EPG5: variants seen among roughly 807,000 people sequenced by gnomAD.
EPG5 encodes ectopic P-granules 5 autophagy tethering factor.
Under a neutral mutation model 302.7 loss-of-function variants are expected in EPG5, and 159 were observed. The ratio of observed to expected loss-of-function variants is 0.53; its 90% CI spans 0.46 to 0.60. EPG5 has a LOEUF of 0.60. EPG5 is among the 20% of genes least tolerant of loss of function. EPG5 has a pLI of 0.00. For missense variants in EPG5, 2,896 were observed against 3,092.4 expected, an observed-to-expected ratio of 0.94 and a Z score of 1.51; for synonymous variants, 1,158 against 1,136.8, an observed-to-expected ratio of 1.02 and a Z score of -0.37.
intron 33 of EPG5, 103 bp downstream of exon 33, chr18:45,878,910 T>C (rs1231840048): frequency 3.4e-6 from 3 of 892,636 alleles, no homozygotes; most frequent in Non-Finnish European, 5.3e-6. Flanking sequence ...ATTTCTACTT[T>C]CTCTCCTTGA....
the EPG5 span, among the ~76,000 whole-genome samples, chr18:45,815,247 A>T: frequency 4.6e-5 from 7 of 152,318 alleles, no homozygotes; most frequent in African/African-American, 1.7e-4. Flanking sequence ...AAGTCTTAGT[A>T]ATTGCTCATT....
chr18:45,806,760 C>T, the EPG5 span, among the ~76,000 whole-genome samples: 492 of 152,256 alleles, frequency 3.2e-3, 2 homozygotes, highest in African/African-American at 0.011. Flanking sequence ...CCTGGCCTCA[C>T]GGGATCCTTC....
At chr18:45,932,612 A>G (rs1437541202) in intron 11 of EPG5, among the ~76,000 whole-genome samples, 2 of 152,226 alleles carry the variant, frequency 1.3e-5, no homozygotes, top group Non-Finnish European at 2.9e-5. Flanking sequence ...TTCCACAAAC[A>G]ATAAAAATCA....
chr18:45,896,462 C>T (rs1394585903), intron 27 of EPG5, among the ~76,000 whole-genome samples: 2 of 152,336 alleles, frequency 1.3e-5, no homozygotes, highest in Non-Finnish European at 2.9e-5. Flanking sequence ...AAATTCTTTA[C>T]GCTTCTGCAA....
chr18:45,967,049 T>G, intron 1 of EPG5, 128 bp downstream of exon 1: 1 of 848,936 alleles, frequency 1.2e-6, no homozygotes, highest in African/African-American at 1.7e-5. Flanking sequence ...GATCAAATAT[T>G]GGAAGGTGGA....
chr18:45,873,639 T>C (rs970110900), intron 35 of EPG5, among the ~76,000 whole-genome samples: 2 of 152,184 alleles, frequency 1.3e-5, no homozygotes, highest in Non-Finnish European at 2.9e-5. Flanking sequence ...TTCAAAAAAA[T>C]AATTGAGTAC....
chr18:45,951,851 C>G (rs1156805878), intron 3 of EPG5, among the ~76,000 whole-genome samples: 1 of 152,116 alleles, frequency 6.6e-6, no homozygotes, highest in African/African-American at 2.4e-5. Flanking sequence ...GGGAATTTTA[C>G]TTTAAAGTAC....
the EPG5 span, among the ~76,000 whole-genome samples, chr18:45,819,590 C>T: frequency 6.6e-6 from 1 of 152,158 alleles, no homozygotes; most frequent in Non-Finnish European, 1.5e-5. Flanking sequence ...AATTGTGTTG[C>T]TTCTCAAAAC....
chr18:45,942,956 T>C (rs2050703282), intron 9 of EPG5, among the ~76,000 whole-genome samples: 1 of 152,212 alleles, frequency 6.6e-6, no homozygotes, highest in African/African-American at 2.4e-5. Flanking sequence ...AGCAAGCCAG[T>C]TAAATTTGAG....
In EPG5 at chr18:45,858,610, T is replaced by G; in HGVS notation, c.7182A>C (p.Lys2394Asn). The G allele has an allele frequency of 1.2e-6, 2 of 1,614,224 alleles. No individual in the cohort carries two copies. Among genetic ancestry groups the G allele is most frequent in the Non-Finnish European group, 1.7e-6 (2 of 1,180,040 alleles). Residue 2394 changes from lysine (K) to asparagine (N), a missense_variant, in exon 41 of 44, where the codon AAA (lysine) becomes AAC (asparagine). By Grantham distance (94) the Lys-to-Asn change is moderately conservative. This residue lies in a region of EPG5 where 620 missense variants were observed against 704.2 expected (regional missense o/e 0.88). Coordinates refer to ENST00000282041, the MANE Select transcript of EPG5 (RefSeq NM_020964.3). ...NSEQTLRNEM[K>N]VLLILSKWLE... ...GCCACTTGCTTAAGATGAGCAGCAC[T>G]TTCATTTCATTCCTTAAAGTCTGTT...
chr18:45,859,891 T>C (rs532292702), intron 40 of EPG5, among the ~76,000 whole-genome samples: 1 of 152,342 alleles, frequency 6.6e-6, no homozygotes, highest in Admixed American at 6.5e-5. Flanking sequence ...GAAATGTGAT[T>C]GTACCAACAG....
intron 24 of EPG5, among the ~76,000 whole-genome samples, chr18:45,904,752 T>C (rs2049706848): frequency 6.6e-6 from 1 of 152,182 alleles, no homozygotes. Context: ...AAAAAACTTT[T>C]ATGACATTTA....
the EPG5 span, among the ~76,000 whole-genome samples, chr18:45,840,400 C>T: frequency 6.6e-6 from 1 of 152,128 alleles, no homozygotes; most frequent in African/African-American, 2.4e-5. Flanking sequence ...CAAGGCACCC[C>T]TCTTGCAGCC....
At chr18:45,911,630 T>C (rs2049904951) in intron 22 of EPG5, among the ~76,000 whole-genome samples, 1 of 151,438 alleles carries the variant, frequency 6.6e-6, no homozygotes, top group African/African-American at 2.4e-5. Flanking sequence ...AGAGACAGAG[T>C]TTCACCATGT....
intron 24 of EPG5, among the ~76,000 whole-genome samples, chr18:45,906,296 C>G (rs1000321141): frequency 6.6e-6 from 1 of 152,142 alleles, no homozygotes; most frequent in Admixed American, 6.5e-5. Flanking sequence ...CAATAGTTCT[C>G]CAAACAAAGA....
intron 1 of EPG5, among the ~76,000 whole-genome samples, chr18:45,963,790 T>TA (rs1180921710): frequency 8.5e-5 from 13 of 152,052 alleles, no homozygotes; most frequent in African/African-American, 3.1e-4. Flanking sequence ...TTGAGGAGAG[T>TA]AACATGATCA....
chr18:45,903,334 C>A (rs141576015), intron 25 of EPG5, among the ~76,000 whole-genome samples: 22 of 152,184 alleles, frequency 1.4e-4, no homozygotes, highest in African/African-American at 4.8e-4. Flanking sequence ...AAGAAACCAG[C>A]CAGCACCATT....
At position 45,929,024 on chromosome 18, in the gene EPG5, G is replaced by C; in HGVS notation, c.2413-15C>G. 6.2e-7 allele frequency: 1 copy of C among 1,610,128 alleles called. No individual in the cohort carries two copies. Among genetic ancestry groups the C allele is most frequent in the East Asian group, 2.2e-5 (1 of 44,766 alleles). ...ACATAAGATACCTAAATGGGGGGAA[G>C]GGGGAAGAAGATGGCACTTTTAATA... On this transcript the variant is annotated splice_polypyrimidine_tract_variant and intron_variant, in intron 12 of 43. Transcript: ENST00000282041.
At position 45,852,524 on chromosome 18, in the gene EPG5, C is replaced by T; in HGVS notation, c.7683G>A (p.Leu2561=). 1 of 1,614,138 alleles carries T rather than the reference C, an allele frequency of 6.2e-7. No individual in the cohort carries two copies. The highest frequency in any genetic ancestry group is 1.1e-5 in the South Asian group (1 of 91,078). The change falls in exon 44 of 44, where the codon TTG becomes TTA. Residue 2561 remains leucine, a synonymous_variant. Transcript: ENST00000282041. ...GATACAGACAGTTAACGAGAAGAGC[C>T]AAGAAGCTTTTCCCATCTTGAAGGC... The part of the protein sequence containing the change: ...GHCLQDGKSF[L]ALLVNCLYPE...
Sources: gnomAD v4.1 joint callset for allele counts (sites outside exome capture counted in the v4.1 genomes callset) on GRCh38, gnomAD v4.1.1 for gene constraint, gnomAD v4.1.1 regional missense constraint, MANE v1.5 for transcripts, NCBI Gene and HGNC (gene_info 2026-07-23, HGNC 2026-07-21) for gene names.